Variants in EEFSEC observed in about 807,000 individuals in gnomAD.
EEFSEC encodes eukaryotic elongation factor, selenocysteine-tRNA specific, also known as selenocysteine-specific elongation factor.
Under a neutral mutation model 42.1 loss-of-function variants are expected in EEFSEC, and 43 were observed. That is an observed-to-expected ratio of 1.02 (90% CI 0.80 to 1.32). The LOEUF (loss-of-function observed/expected upper bound fraction) is 1.32, where lower values mean the gene tolerates loss of function less well. EEFSEC is among the 40% of genes most tolerant of loss of function. The pLI is 0.00. For missense variants in EEFSEC, 745 were observed against 803.6 expected (o/e 0.93, Z 0.88); for synonymous variants, 354 against 339.1 (o/e 1.04, Z -0.48).
chr3:128,253,993 G>C lies in EEFSEC; in HGVS notation c.524+6950G>C, dbSNP rs1023071793. ...AGAAAAAAATCTGATTTTCTTCAAG[G>C]GTTTGCTCCCAACCAGGCCAGGGCA... On this transcript the variant is annotated intron_variant, in intron 2 of 6. Transcript: ENST00000254730. 3.9e-5 allele frequency among the ~76,000 whole-genome samples: 6 copies of C among 152,136 alleles called. No individual in the cohort carries two copies. The South Asian group carries it at 6.2e-4, about 16-fold the overall frequency.
chr3:128,192,573 G>A (rs1226033844), intron 1 of EEFSEC, among the ~76,000 whole-genome samples: 1 of 152,120 alleles, frequency 6.6e-6, no homozygotes, highest in Non-Finnish European at 1.5e-5. Flanking sequence ...TTTTTATAGT[G>A]CTTACACTCT....
In EEFSEC at chr3:128,408,377, G is replaced by GCCCCCAC. The variant is rs543906803; in HGVS notation, c.*123_*129dup. On this transcript the variant is annotated 3_prime_UTR_variant, in exon 7 of 7. Coordinates refer to ENST00000254730, the MANE Select transcript of EEFSEC (RefSeq NM_021937.5). ...CTCTCCCTGCAGTCCTGCAGCAGCA[G>GCCCCCAC]CCCCCACCCCCAAGCTTGGTGCTGA... 2,114 of 1,132,824 alleles carry GCCCCCAC rather than the reference G, an allele frequency of 1.9e-3. 4 individuals carry two copies. The highest frequency in any genetic ancestry group is 2.2e-3 in the Non-Finnish European group (1,803 of 809,806). The allele number at this position is 1,132,824 out of a possible 1,614,324, so 70.2% of individuals were successfully genotyped here. A position where few individuals can be genotyped will look rare whatever the true frequency, so the allele number is the denominator to read the frequency against.
At chr3:128,343,741 T>A (rs1339200290) in intron 5 of EEFSEC, among the ~76,000 whole-genome samples, 1 of 152,136 alleles carries the variant, frequency 6.6e-6, no homozygotes, top group Non-Finnish European at 1.5e-5. Context: ...CAAGTAAACA[T>A]ATGGCCTCAA....
At chr3:128,267,800 G>A (rs1378684791) in intron 4 of EEFSEC, among the ~76,000 whole-genome samples, 1 of 152,208 alleles carries the variant, frequency 6.6e-6, no homozygotes, top group African/African-American at 2.4e-5. Context: ...CAGAAATAGA[G>A]ATGGACTTCT....
intron 1 of EEFSEC, among the ~76,000 whole-genome samples, chr3:128,204,597 A>C (rs1341260919): frequency 6.6e-6 from 1 of 152,104 alleles, no homozygotes; most frequent in African/African-American, 2.4e-5. Context: ...CTTAAGAATC[A>C]ATATCTCTTA....
intron 1 of EEFSEC, among the ~76,000 whole-genome samples, chr3:128,227,801 G>C (rs1213103638): frequency 1.3e-5 from 2 of 152,128 alleles, no homozygotes; most frequent in Non-Finnish European, 2.9e-5. Context: ...TCTGTAAAGC[G>C]GATATCTGAG....
At chr3:128,185,234 A>G (rs144094786) in intron 1 of EEFSEC, among the ~76,000 whole-genome samples, 93 of 152,292 alleles carry the variant, frequency 6.1e-4, no homozygotes, top group African/African-American at 2.0e-3. Context: ...GGGGTATTAT[A>G]TAATGTATGA....
chr3:128,252,851 G>T (rs1055913223), intron 2 of EEFSEC, among the ~76,000 whole-genome samples: 1 of 152,214 alleles, frequency 6.6e-6, no homozygotes, highest in African/African-American at 2.4e-5. Context: ...GGAGGAGACA[G>T]TGGGATGGCA....
the EEFSEC span, among the ~76,000 whole-genome samples, chr3:128,416,357 C>T: frequency 6.6e-6 from 1 of 152,174 alleles, no homozygotes. Flanking sequence ...AGCGGCCCTG[C>T]CCAGCTCCAA....
At chr3:128,331,210 A>C (rs1201947287) in intron 4 of EEFSEC, among the ~76,000 whole-genome samples, 4 of 19,710 alleles carry the variant, frequency 2.0e-4, no homozygotes, top group East Asian at 1.4e-3. Flanking sequence ...TCCTCAGTAC[A>C]TCTCCCCTCT....
chr3:128,294,666 G>A (rs1489033316), intron 4 of EEFSEC, among the ~76,000 whole-genome samples: 1 of 152,176 alleles, frequency 6.6e-6, no homozygotes, highest in African/African-American at 2.4e-5. Context: ...CCAAGGGAGG[G>A]TCTGGTTGGC....
the EEFSEC span, among the ~76,000 whole-genome samples, chr3:128,413,848 T>C: frequency 6.6e-6 from 1 of 152,188 alleles, no homozygotes; most frequent in Non-Finnish European, 1.5e-5. Context: ...CTGCAAGGCT[T>C]GCACAGCCCA....
At chr3:128,348,250 ATGCGTGTGTGTGTGTGTG>A (rs1359603277) in intron 5 of EEFSEC, among the ~76,000 whole-genome samples, 1 of 113,558 alleles carries the variant, frequency 8.8e-6, no homozygotes, top group Non-Finnish European at 1.8e-5. Context: ...CAAAGTGTGC[ATGCGTGTGTGTGTGTGTG>A]TGCGTGTGCG....
intron 4 of EEFSEC, among the ~76,000 whole-genome samples, chr3:128,286,289 C>G (rs1260744229): frequency 6.6e-6 from 1 of 152,224 alleles, no homozygotes; most frequent in African/African-American, 2.4e-5. Context: ...TCTGTCTCCA[C>G]TACCCCTCCC....
intron 6 of EEFSEC, among the ~76,000 whole-genome samples, chr3:128,384,433 G>A (rs914768295): frequency 2.0e-5 from 3 of 152,242 alleles, no homozygotes; most frequent in Admixed American, 6.5e-5. Flanking sequence ...CCAGGATGGA[G>A]ATGAGCAGAC....
intron 1 of EEFSEC, among the ~76,000 whole-genome samples, chr3:128,154,606 C>T (rs1358925533): frequency 6.6e-6 from 1 of 152,058 alleles, no homozygotes; most frequent in Non-Finnish European, 1.5e-5. Context: ...CGCGCCACCA[C>T]GCCCGGCTAA....
intron 1 of EEFSEC, among the ~76,000 whole-genome samples, chr3:128,242,633 C>T (rs1345299664): frequency 6.6e-6 from 1 of 152,084 alleles, no homozygotes. Flanking sequence ...TCACAGATAA[C>T]TTATGCTTTG....
chr3:128,325,230 G>A (rs73197389), intron 4 of EEFSEC, among the ~76,000 whole-genome samples: 2 of 152,346 alleles, frequency 1.3e-5, no homozygotes, highest in African/African-American at 2.4e-5. Context: ...TCTCCCTGTT[G>A]AGCCTTGCTG....
At chr3:128,158,091 T>C (rs995844628) in intron 1 of EEFSEC, among the ~76,000 whole-genome samples, 3 of 152,238 alleles carry the variant, frequency 2.0e-5, no homozygotes, top group African/African-American at 7.2e-5. Flanking sequence ...AAGACTTCAG[T>C]GGAGCAAGTC....
Sources: allele counts gnomAD v4.1 joint callset (sites outside exome capture counted in the v4.1 genomes callset), GRCh38; gene constraint gnomAD v4.1.1; transcripts MANE v1.5; gene names NCBI Gene and HGNC (gene_info 2026-07-23, HGNC 2026-07-21).